Variants in CTNNA3 observed in about 807,000 individuals in gnomAD.
The protein encoded by CTNNA3 is catenin alpha-3.
Under a neutral mutation model 95.7 loss-of-function variants are expected in CTNNA3, and 76 were observed. The ratio of observed to expected loss-of-function variants is 0.79; its 90% CI spans 0.66 to 0.96. CTNNA3 has a LOEUF of 0.96. Ranked by LOEUF, CTNNA3 falls within the 40% of genes least tolerant of loss-of-function variation. The pLI, the probability that CTNNA3 is intolerant of heterozygous loss-of-function variation, is 0.00. For missense variants in CTNNA3, 1,191 were observed against 1,089.8 expected, an observed-to-expected ratio of 1.09 and a Z score of -1.31; for synonymous variants, 431 against 374.4, an observed-to-expected ratio of 1.15 and a Z score of -1.74.
At chr10:66,792,261 A>G (rs1841000802) in intron 7 of CTNNA3, among the ~76,000 whole-genome samples, 1 of 152,218 alleles carries the variant, frequency 6.6e-6, no homozygotes, top group Non-Finnish European at 1.5e-5. Flanking sequence ...AAGAACAACT[A>G]TCGTCATGAT....
chr10:66,699,331 A>C (rs1847866908), intron 9 of CTNNA3, among the ~76,000 whole-genome samples: 1 of 152,150 alleles, frequency 6.6e-6, no homozygotes, highest in Non-Finnish European at 1.5e-5. Context: ...CATTATCAGC[A>C]ACATTGTACC....
chr10:67,002,373 C>T (rs553874929), intron 7 of CTNNA3, among the ~76,000 whole-genome samples: 22 of 152,214 alleles, frequency 1.4e-4, no homozygotes, highest in African/African-American at 5.3e-4. Flanking sequence ...ACATTCTATA[C>T]ATATTGAAAG....
chr10:66,033,415 G>A (rs1184159182), intron 15 of CTNNA3, among the ~76,000 whole-genome samples: 1 of 152,080 alleles, frequency 6.6e-6, no homozygotes, highest in Non-Finnish European at 1.5e-5. Context: ...GATTACAGGC[G>A]TGAGCCACTG....
intron 7 of CTNNA3, among the ~76,000 whole-genome samples, chr10:67,087,693 A>C (rs1019371767): frequency 2.6e-5 from 4 of 151,984 alleles, no homozygotes; most frequent in Non-Finnish European, 5.9e-5. Flanking sequence ...TCTACCTCTA[A>C]GCTAATGTCA....
intron 7 of CTNNA3, among the ~76,000 whole-genome samples, chr10:66,884,389 G>A (rs956084231): frequency 6.6e-6 from 1 of 152,130 alleles, no homozygotes; most frequent in Admixed American, 6.6e-5. Context: ...AGAATATGGA[G>A]GAATTGTATG....
At chr10:66,051,361 T>C (rs1164798734) in intron 15 of CTNNA3, among the ~76,000 whole-genome samples, 1 of 152,230 alleles carries the variant, frequency 6.6e-6, no homozygotes, top group Non-Finnish European at 1.5e-5. Context: ...AATAAGTGAA[T>C]GAATCTTTGA....
At chr10:66,865,581 C>A (rs542079878) in intron 7 of CTNNA3, among the ~76,000 whole-genome samples, 4 of 151,954 alleles carry the variant, frequency 2.6e-5, no homozygotes, top group South Asian at 2.1e-4. Context: ...GCTCTTGGCA[C>A]AATTTATGTA....
intron 7 of CTNNA3, among the ~76,000 whole-genome samples, chr10:67,139,186 G>A (rs1024563463): frequency 6.6e-6 from 1 of 152,062 alleles, no homozygotes; most frequent in African/African-American, 2.4e-5. Context: ...AGACTGGAGT[G>A]CAGTGGTGTG....
intron 7 of CTNNA3, among the ~76,000 whole-genome samples, chr10:67,149,009 G>A (rs1860966938): frequency 6.6e-6 from 1 of 152,042 alleles, no homozygotes; most frequent in Non-Finnish European, 1.5e-5. Flanking sequence ...TCCAAATTCA[G>A]CCCTCCACTG....
intron 12 of CTNNA3, among the ~76,000 whole-genome samples, chr10:66,292,583 C>T (rs12220215): frequency 0.13 from 20,001 of 152,018 alleles, 1,478 homozygotes; most frequent in East Asian, 0.28. Flanking sequence ...CTCAATAGTG[C>T]ACACACAGTA....
chr10:67,459,983 G>T (rs544873831), intron 5 of CTNNA3, among the ~76,000 whole-genome samples: 1 of 151,902 alleles, frequency 6.6e-6, no homozygotes, highest in Non-Finnish European at 1.5e-5. Flanking sequence ...CATTGTTATC[G>T]TAGCTTCTAC....
At chr10:66,862,644 T>C (rs1315279280) in intron 7 of CTNNA3, among the ~76,000 whole-genome samples, 1 of 152,042 alleles carries the variant, frequency 6.6e-6, no homozygotes, top group African/African-American at 2.4e-5. Context: ...AAAGACAGAA[T>C]TACTGGAGCA....
At chr10:66,588,941 TAA>T (rs75084122) in intron 10 of CTNNA3, among the ~76,000 whole-genome samples, 46,672 of 151,780 alleles carry the variant, frequency 0.31, 8,390 homozygotes, top group East Asian at 0.84. Context: ...CAACATCAGT[TAA>T]AGTGCCTTTG....
At chr10:66,324,495 CA>C (rs1168015461) in intron 12 of CTNNA3, among the ~76,000 whole-genome samples, 17 of 152,172 alleles carry the variant, frequency 1.1e-4, no homozygotes, top group African/African-American at 1.9e-4. Flanking sequence ...AAGCCATGTG[CA>C]GACAGCAAGG....
rs189676110 is a variant in CTNNA3, at chr10:66,781,806, A to C, written c.1048-6282T>G. Among the ~76,000 whole-genome samples, 13 of 152,258 alleles carry C rather than the reference A, an allele frequency of 8.5e-5. No individual in the cohort carries two copies. In the East Asian group the frequency reaches 2.5e-3, roughly 29 times the overall value. On this transcript the variant is annotated intron_variant, in intron 7 of 17. Coordinates refer to ENST00000433211, the MANE Select transcript of CTNNA3 (RefSeq NM_013266.4). ...TGTCAAATGTCTACCACATATAATA[A>C]GTACTTTACACGTACTGTCTCAACT...
chr10:66,430,843 G>A (rs980763657), intron 11 of CTNNA3, among the ~76,000 whole-genome samples: 1 of 152,108 alleles, frequency 6.6e-6, no homozygotes, highest in Non-Finnish European at 1.5e-5. Context: ...ATAGGCATGG[G>A]CAAGGACTTC....
chr10:66,761,114 G>A (rs1023948656), intron 9 of CTNNA3, among the ~76,000 whole-genome samples: 1 of 152,154 alleles, frequency 6.6e-6, no homozygotes, highest in African/African-American at 2.4e-5. Context: ...ACAGCATTCT[G>A]TCAAAAAGCA....
At chr10:67,359,130 C>A (rs1381564405) in intron 5 of CTNNA3, among the ~76,000 whole-genome samples, 1 of 151,696 alleles carries the variant, frequency 6.6e-6, no homozygotes, top group Non-Finnish European at 1.5e-5. Context: ...CCATACAGAG[C>A]CTTGGTTCTC....
intron 9 of CTNNA3, among the ~76,000 whole-genome samples, chr10:66,704,545 C>A (rs1848056947): frequency 6.6e-6 from 1 of 152,118 alleles, no homozygotes; most frequent in South Asian, 2.1e-4. Flanking sequence ...TTTTATTACC[C>A]TTTATGAGTG....
Sources: allele counts gnomAD v4.1 joint callset (sites outside exome capture counted in the v4.1 genomes callset), GRCh38; gene constraint gnomAD v4.1.1; transcripts MANE v1.5; gene names NCBI Gene and HGNC (gene_info 2026-07-23, HGNC 2026-07-21).